KIRREL1: variants seen among roughly 807,000 people sequenced by gnomAD.
KIRREL1 encodes the protein kirre like nephrin family adhesion molecule 1.
Under a neutral mutation model 83.3 loss-of-function variants are expected in KIRREL1, and 25 were observed. The observed-to-expected ratio is 0.30, with a 90% CI of 0.22 to 0.42. The LOEUF is 0.42. KIRREL1 is among the 10% of genes least tolerant of loss of function. The probability of loss-of-function intolerance (pLI) is 1.00; values close to 1 mark genes in which losing one functional copy is unlikely to be tolerated. For missense variants in KIRREL1, 812 were observed against 1,032.3 expected (o/e 0.79, Z 2.92); for synonymous variants, 388 against 410.4 (o/e 0.95, Z 0.66).
At chr1:158,063,050 G>C (rs925294387) in intron 1 of KIRREL1, among the ~76,000 whole-genome samples, 6 of 152,164 alleles carry the variant, frequency 3.9e-5, no homozygotes, top group African/African-American at 1.4e-4. Context: ...CTGTGTCTTG[G>C]CTCATGCTGT....
chr1:158,039,142 C>T (rs1384701566), intron 1 of KIRREL1, among the ~76,000 whole-genome samples: 1 of 152,160 alleles, frequency 6.6e-6, no homozygotes, highest in African/African-American at 2.4e-5. Context: ...TCTGCCATTT[C>T]AGCACCACCC....
At chr1:158,027,931 G>A (rs943893952) in intron 1 of KIRREL1, among the ~76,000 whole-genome samples, 1 of 152,192 alleles carries the variant, frequency 6.6e-6, no homozygotes, top group Middle Eastern at 3.2e-3. Context: ...TAGGGATAGT[G>A]CAGGGGCAGC....
chr1:158,031,537 C>T (rs1300696686), intron 1 of KIRREL1, among the ~76,000 whole-genome samples: 1 of 152,206 alleles, frequency 6.6e-6, no homozygotes, highest in East Asian at 1.9e-4. Flanking sequence ...CACCACCTTC[C>T]TCATCAGAGA....
rs1205571695 is a variant in KIRREL1, at chr1:158,099,649, A to G, written c.*4529A>G. On this transcript the variant is annotated 3_prime_UTR_variant, in exon 15 of 15. Transcript: ENST00000359209. ...ACCTGCCCTTATTAATAATAACAAT[A>G]ATAATAATAACTCCATTTGCATAGA... The G allele has an allele frequency of 6.6e-6, 1 of 152,070 alleles. No individual in the cohort carries two copies. The highest frequency in any genetic ancestry group is 2.4e-5 in the African/African-American group (1 of 41,372). 9.4% of individuals were successfully genotyped at this position (152,070 alleles called of 1,614,324 possible).
At chr1:158,078,383 G>A (rs952067711) in intron 3 of KIRREL1, among the ~76,000 whole-genome samples, 3 of 151,636 alleles carry the variant, frequency 2.0e-5, no homozygotes, top group Non-Finnish European at 4.4e-5. Flanking sequence ...CCAGTGCCTC[G>A]GCCACTCAGG....
chr1:157,995,389 A>T (rs113636350), intron 1 of KIRREL1, among the ~76,000 whole-genome samples: 2,930 of 152,076 alleles, frequency 0.019, 98 homozygotes, highest in African/African-American at 0.068. Flanking sequence ...TTGGCAGGCC[A>T]GGCCAGCCAC....
chr1:158,062,151 AG>A, intron 1 of KIRREL1, among the ~76,000 whole-genome samples: 1 of 152,186 alleles, frequency 6.6e-6, no homozygotes, highest in South Asian at 2.1e-4. Context: ...TGGTAAGATG[AG>A]TGGTTTTGGC....
chr1:158,018,236 C>T (rs1659890989), intron 1 of KIRREL1, among the ~76,000 whole-genome samples: 1 of 152,120 alleles, frequency 6.6e-6, no homozygotes, highest in South Asian at 2.1e-4. Context: ...AGGGTGACTG[C>T]AAAGAAGCCC....
intron 3 of KIRREL1, among the ~76,000 whole-genome samples, chr1:158,079,438 G>A (rs1395810587): frequency 6.6e-6 from 1 of 152,220 alleles, no homozygotes; most frequent in East Asian, 1.9e-4. Flanking sequence ...TTGTGCCTAA[G>A]CCTCCTGAGT....
intron 1 of KIRREL1, among the ~76,000 whole-genome samples, chr1:158,060,837 T>C (rs562926238): frequency 6.6e-6 from 1 of 152,280 alleles, no homozygotes; most frequent in East Asian, 1.9e-4. Flanking sequence ...TGAAACAGCA[T>C]GACTCCGGTG....
At chr1:158,031,195 C>T (rs1251704854) in intron 1 of KIRREL1, 18 of 152,126 alleles carry the variant, frequency 1.2e-4, no homozygotes, top group African/African-American at 3.4e-4. Context: ...GTCCCCCGAA[C>T]GAAAAGGGAA....
Position 158,094,238 on chromosome 1 carries a change from C to A in KIRREL1, c.1720-75C>A. 7.8e-7 allele frequency: 1 copy of A among 1,287,268 alleles called. No homozygotes were observed. Among genetic ancestry groups the A allele is most frequent in the South Asian group, 1.3e-5 (1 of 78,760 alleles). 79.7% of individuals were successfully genotyped at this position (1,287,268 alleles called of 1,614,324 possible). Reference sequence around the variant, plus strand: ...CACCCATGAGCAGGTGGCCTCTGAGCGTGGGGAGGGGTTGGTGAGGGGCGA... The same window carrying A: ...CACCCATGAGCAGGTGGCCTCTGAGAGTGGGGAGGGGTTGGTGAGGGGCGA... On this transcript the variant is annotated intron_variant, in intron 13 of 14. Coordinates refer to ENST00000359209, the MANE Select transcript of KIRREL1 (RefSeq NM_018240.7). The surrounding 1 kb of genome is among the most constrained non-coding windows in gnomAD (Gnocchi z 4.6).
At chr1:158,000,706 T>G (rs1229461364) in intron 1 of KIRREL1, among the ~76,000 whole-genome samples, 2 of 152,202 alleles carry the variant, frequency 1.3e-5, no homozygotes, top group Non-Finnish European at 2.9e-5. Context: ...ATTTAATTTA[T>G]TCAGCCACTT....
chr1:158,065,801 C>T (rs1019778858), intron 1 of KIRREL1, among the ~76,000 whole-genome samples: 1 of 134,160 alleles, frequency 7.5e-6, no homozygotes, highest in Non-Finnish European at 1.6e-5. Flanking sequence ...AATCGCAGCC[C>T]GGATTTCTGC....
chr1:158,059,958 G>A (rs897282007), intron 1 of KIRREL1, among the ~76,000 whole-genome samples: 3 of 152,138 alleles, frequency 2.0e-5, no homozygotes, highest in African/African-American at 7.2e-5. Context: ...GGTTAGGGTT[G>A]AAGTGGGAAT....
intron 1 of KIRREL1, among the ~76,000 whole-genome samples, chr1:158,073,491 C>A (rs1661578707): frequency 6.6e-6 from 1 of 152,148 alleles, no homozygotes; most frequent in Non-Finnish European, 1.5e-5. Flanking sequence ...TGACAGCAAT[C>A]CAGAAATAGA....
chr1:158,054,196 G>C (rs551141615), intron 1 of KIRREL1, among the ~76,000 whole-genome samples: 3 of 113,390 alleles, frequency 2.6e-5, no homozygotes, highest in Non-Finnish European at 5.0e-5. Context: ...CTCGGTGACA[G>C]AGCAAGACTC....
At chr1:158,024,127 T>G (rs571308640) in intron 1 of KIRREL1, among the ~76,000 whole-genome samples, 28 of 152,252 alleles carry the variant, frequency 1.8e-4, no homozygotes, top group South Asian at 4.1e-4. Context: ...TTTTGTATTT[T>G]TGGTAGAGAC....
chr1:158,026,761 G>A (rs1660183662), intron 1 of KIRREL1, among the ~76,000 whole-genome samples: 1 of 152,144 alleles, frequency 6.6e-6, no homozygotes, highest in South Asian at 2.1e-4. Context: ...ATGTGACAGA[G>A]CAGCTGGGAT....
Sources: gnomAD v4.1 joint callset for allele counts (sites outside exome capture counted in the v4.1 genomes callset) on GRCh38, gnomAD v4.1.1 for gene constraint, Gnocchi (gnomAD v3.1) non-coding constraint, MANE v1.5 for transcripts, NCBI Gene and HGNC (gene_info 2026-07-23, HGNC 2026-07-21) for gene names.